LDB1: variants seen among roughly 807,000 people sequenced by gnomAD.
The protein encoded by LDB1 is LIM domain-binding protein 1.
A neutral mutation model predicts 49.7 loss-of-function variants in LDB1; 6 were observed. That is an observed-to-expected ratio of 0.12 (90% CI 0.07 to 0.24). The LOEUF (loss-of-function observed/expected upper bound fraction) is 0.24. LDB1 is among the 10% of genes least tolerant of loss of function. The probability of loss-of-function intolerance (pLI) is 1.00; values close to 1 mark genes in which losing one functional copy is unlikely to be tolerated. For synonymous variants in LDB1, 233 were observed against 202.0 expected (o/e 1.15, Z -1.30); for missense variants, 341 against 561.7 (o/e 0.61, Z 3.97).
At position 102,109,009 on chromosome 10, in the gene LDB1, AAGAAAGCC is replaced by A. The variant is rs2068211045; in HGVS notation, c.1005+12_1005+19del. On this transcript the variant is annotated intron_variant, in intron 10 of 10. Transcript: ENST00000673968. This position sits in a 1 kb window ranked among gnomAD's most constrained non-coding sequence, Gnocchi z 5.8. Reference sequence around the variant, plus strand: ...AGTGGTGGGGCAGCCCAGAAGAGAGAAGAAAGCCGAGATGCTTACAGGTACCTGGCTGG... The same window carrying A: ...AGTGGTGGGGCAGCCCAGAAGAGAGAGAGATGCTTACAGGTACCTGGCTGG... The A allele has an allele frequency of 6.2e-7, 1 of 1,614,192 alleles. No homozygotes were observed. Among genetic ancestry groups the A allele is most frequent in the African/African-American group, 1.3e-5 (1 of 75,040 alleles).
chr10:102,109,700 G>C lies in LDB1; in HGVS notation c.649-17C>G. 6.2e-7 allele frequency: 1 copy of C among 1,612,778 alleles called. No individual in the cohort carries two copies. Among genetic ancestry groups the C allele is most frequent in the Admixed American group, 1.7e-5 (1 of 60,010 alleles). ...GTCTTGGGCCTAGAGTGGGAGAAAAGACAAGAAAGAACACTGACACCTGGG... is the reference window on the plus strand; with the variant it reads ...GTCTTGGGCCTAGAGTGGGAGAAAACACAAGAAAGAACACTGACACCTGGG... On this transcript the variant is annotated splice_polypyrimidine_tract_variant and intron_variant, in intron 7 of 10. Transcript: ENST00000673968. The surrounding 1 kb of genome is among the most constrained non-coding windows in gnomAD (Gnocchi z 5.8).
At chr10:102,110,997 A>C (rs1161489911) in intron 4 of LDB1, 26 bp from the exon 5 acceptor site, 4 of 1,612,088 alleles carry the variant, frequency 2.5e-6, no homozygotes, top group Non-Finnish European at 3.4e-6. Flanking sequence ...ACGGGTGTTC[A>C]TGTGTCATAA....
chr10:102,104,294 G>T (rs2068138510), downstream of LDB1, among the ~76,000 whole-genome samples: 1 of 152,160 alleles, frequency 6.6e-6, no homozygotes, highest in Non-Finnish European at 1.5e-5. Context: ...TACATGGTCA[G>T]ACTATCCGAA....
At chr10:102,114,700 T>G (rs2068308803) in intron 1 of LDB1, 1 of 804,076 alleles carries the variant, frequency 1.2e-6, no homozygotes, top group Non-Finnish European at 1.5e-6. Flanking sequence ...GTCCGGAGCC[T>G]TCTTTGTTTG....
At chr10:102,108,865 C>G in intron 10 of LDB1, 164 bp downstream of exon 10, 1 of 892,974 alleles carries the variant, frequency 1.1e-6, no homozygotes, top group Non-Finnish European at 1.8e-6. Flanking sequence ...ATGCAAGTGC[C>G]TGACAAGAAC....
rs368109975 is a variant in LDB1 at position 102,117,142 on chromosome 10, G to C, written c.25+2944C>G. On this transcript the variant is annotated intron_variant, in intron 1 of 10. Coordinates refer to ENST00000673968, the MANE Select transcript of LDB1 (RefSeq NM_001113407.3). The surrounding 1 kb of genome is among the most constrained non-coding windows in gnomAD (Gnocchi z 4.2). ...CATGGGGAGGGGGAAATGTGCTCTG[G>C]CTTTTGCCTCCAGCCCAGAGCTCAG... Among the ~76,000 whole-genome samples, 7 of 152,244 alleles carry C rather than the reference G, an allele frequency of 4.6e-5. No individual in the cohort carries two copies. The East Asian group carries it at 1.4e-3, about 29-fold the overall frequency.
chr10:102,114,426 A>G lies in LDB1; in HGVS notation c.26-2890T>C, dbSNP rs1456985621. ...CTTACCTGGGAGAACTGAGGGGGCC[A>G]GGAGAGGTACGGGGGAGCGACTGCA... On this transcript the variant is annotated intron_variant, in intron 1 of 10. Transcript: ENST00000673968. The G allele has an allele frequency of 6.1e-6, 6 of 986,248 alleles. No homozygotes were observed. In the African/African-American group the frequency reaches 8.7e-5, roughly 14 times the overall value. 61.1% of individuals were successfully genotyped at this position (986,248 alleles called of 1,614,324 possible). A position where few individuals can be genotyped will look rare whatever the true frequency, so the allele number is the denominator to read the frequency against.
chr10:102,109,880 C>T lies in LDB1; in HGVS notation c.648+41G>A, dbSNP rs1277291663. On this transcript the variant is annotated intron_variant, in intron 7 of 10. Transcript: ENST00000673968. The surrounding 1 kb of genome is among the most constrained non-coding windows in gnomAD (Gnocchi z 5.8). The stretch of plus-strand genomic sequence containing the variant: ...AGACCTTGTTCCACCCTTCCCCCGC[C>T]TGCCTTCACTCTTGCATCCTGGGTC... The T allele has an allele frequency of 6.3e-7, 1 of 1,595,266 alleles. No individual in the cohort carries two copies. The highest frequency in any genetic ancestry group is 1.7e-5 in the Admixed American group (1 of 59,386).
upstream of LDB1, among the ~76,000 whole-genome samples, chr10:102,120,756 C>T (rs1442974531): frequency 1.3e-5 from 2 of 152,134 alleles, no homozygotes; most frequent in Non-Finnish European, 2.9e-5. Flanking sequence ...GGTGTCCGTC[C>T]TCCGGGTGCC....
At chr10:102,119,070 TG>T (rs1162313658) in intron 1 of LDB1, among the ~76,000 whole-genome samples, 1 of 152,248 alleles carries the variant, frequency 6.6e-6, no homozygotes, top group Non-Finnish European at 1.5e-5. Flanking sequence ...TGGGGATTTG[TG>T]GGGGAGTGGT....
At position 102,110,361 on chromosome 10, in the gene LDB1, A is replaced by G. The variant is rs2068233674; in HGVS notation, c.525+168T>C. On this transcript the variant is annotated intron_variant, in intron 6 of 10. Transcript: ENST00000673968. Reference sequence around the variant, plus strand: ...CTTGGGGCCCAGAAAACTATCCCATACAAACACAATACATGTTTGCTGACG... The same window carrying G: ...CTTGGGGCCCAGAAAACTATCCCATGCAAACACAATACATGTTTGCTGACG... 4 of 713,598 alleles carry G rather than the reference A, an allele frequency of 5.6e-6. No homozygotes were observed. In the East Asian group the frequency reaches 1.1e-4, roughly 19 times the overall value. The allele number at this position is 713,598 out of a possible 1,614,324, so 44.2% of individuals were successfully genotyped here.
chr10:102,120,835 G>A (rs1372116705), upstream of LDB1, among the ~76,000 whole-genome samples: 1 of 152,114 alleles, frequency 6.6e-6, no homozygotes, highest in Non-Finnish European at 1.5e-5. Flanking sequence ...GGGGTGGGCA[G>A]TGTGGTGTAT....
At chr10:102,115,013 G>A (rs149599986) in intron 1 of LDB1, 4,207 of 240,848 alleles carry the variant, frequency 0.017, 46 homozygotes, top group Non-Finnish European at 0.023. Flanking sequence ...GAGGCCCCAG[G>A]GCGGGCGGAG....
At chr10:102,108,397 A>C in intron 10 of LDB1, 74 bp from the exon 11 acceptor site, 1 of 1,187,510 alleles carries the variant, frequency 8.4e-7, no homozygotes, top group African/African-American at 1.5e-5. Flanking sequence ...ATACCCCCAG[A>C]GCCCCAGTAC....
chr10:102,119,994 G>GC, intron 1 of LDB1, 92 bp downstream of exon 1: 18 of 1,004,424 alleles, frequency 1.8e-5, no homozygotes, highest in South Asian at 7.5e-5. Context: ...TGCCATCGAC[G>GC]CCCCCCACAC....
chr10:102,111,621 T>C, intron 1 of LDB1, 85 bp from the exon 2 acceptor site: 1 of 744,660 alleles, frequency 1.3e-6, no homozygotes, highest in South Asian at 2.0e-5. Context: ...GCAAGAAGAT[T>C]GATTGAGCAC....
intron 1 of LDB1, among the ~76,000 whole-genome samples, chr10:102,114,038 C>A (rs575183325): frequency 6.6e-6 from 1 of 152,208 alleles, no homozygotes; most frequent in Admixed American, 6.5e-5. Flanking sequence ...GGAGTAGAGG[C>A]AGCAAGGTGG....
intron 6 of LDB1, 134 bp downstream of exon 6, chr10:102,110,395 A>G: frequency 1.1e-6 from 1 of 881,498 alleles, no homozygotes; most frequent in African/African-American, 1.7e-5. Context: ...CGGTTGCAAC[A>G]TGCCTACCCG....
upstream of LDB1, among the ~76,000 whole-genome samples, chr10:102,120,814 G>A (rs1590295209): frequency 6.6e-6 from 1 of 152,146 alleles, no homozygotes; most frequent in East Asian, 1.9e-4. Flanking sequence ...GCGGCTGGGG[G>A]AGGCGGAGCC....
Sources: allele counts gnomAD v4.1 joint callset (sites outside exome capture counted in the v4.1 genomes callset), GRCh38; gene constraint gnomAD v4.1.1; non-coding constraint Gnocchi (gnomAD v3.1); transcripts MANE v1.5; gene names NCBI Gene and HGNC (gene_info 2026-07-23, HGNC 2026-07-21).